HYDIN: variants seen among roughly 807,000 people sequenced by gnomAD.
The protein encoded by HYDIN is axonemal central pair apparatus protein HYDIN.
A neutral mutation model predicts 403.9 loss-of-function variants in HYDIN; 132 were observed. That is an observed-to-expected ratio of 0.33 (90% CI 0.28 to 0.38). HYDIN has a LOEUF of 0.38. HYDIN is among the 10% of genes least tolerant of loss of function. The probability of loss-of-function intolerance (pLI) is 1.00; values close to 1 mark genes in which losing one functional copy is unlikely to be tolerated. For missense variants in HYDIN, 2,827 were observed against 5,009.5 expected, an observed-to-expected ratio of 0.56 and a Z score of 13.15; for synonymous variants, 1,202 against 1,891.7, an observed-to-expected ratio of 0.64 and a Z score of 9.46.
At chr16:71,226,409 T>G (rs1483571515) in intron 1 of HYDIN, among the ~76,000 whole-genome samples, 1 of 152,104 alleles carries the variant, frequency 6.6e-6, no homozygotes, top group Non-Finnish European at 1.5e-5. Context: ...AACTCTTGCC[T>G]GACGTCATAC....
chr16:70,962,508 C>T (rs1028063629), intron 37 of HYDIN, among the ~76,000 whole-genome samples: 6 of 152,170 alleles, frequency 3.9e-5, no homozygotes, highest in Admixed American at 6.5e-5. Context: ...AGAGCTGCAA[C>T]CTCTCAGATT....
intron 1 of HYDIN, among the ~76,000 whole-genome samples, chr16:71,199,819 T>G (rs1315702528): frequency 6.6e-6 from 1 of 152,142 alleles, no homozygotes; most frequent in Non-Finnish European, 1.5e-5. Context: ...AATGGCAAAT[T>G]GTATGAAGCA....
intron 1 of HYDIN, among the ~76,000 whole-genome samples, chr16:71,227,155 G>T (rs956635363): frequency 6.6e-6 from 1 of 151,736 alleles, no homozygotes; most frequent in Non-Finnish European, 1.5e-5. Context: ...GTATGTGTGT[G>T]TGTGTGTGTA....
intron 66 of HYDIN, among the ~76,000 whole-genome samples, chr16:70,867,028 C>CAAA (rs34578135): frequency 1.1e-5 from 1 of 92,940 alleles, no homozygotes; most frequent in Admixed American, 1.2e-4. Flanking sequence ...CTGTCCCCCT[C>CAAA]AAAAAAAAAA....
chr16:71,203,419 G>C (rs2088124665), intron 1 of HYDIN, among the ~76,000 whole-genome samples: 1 of 152,050 alleles, frequency 6.6e-6, no homozygotes, highest in African/African-American at 2.4e-5. Context: ...TTTATTCCTG[G>C]AGTTTATTAG....
chr16:71,218,099 A>G (rs2088985415), intron 1 of HYDIN, among the ~76,000 whole-genome samples: 2 of 152,228 alleles, frequency 1.3e-5, no homozygotes, highest in East Asian at 1.9e-4. Context: ...TAAGAAAAAA[A>G]AAGACCAATT....
At chr16:70,990,503 A>C (rs1253726829) in intron 25 of HYDIN, among the ~76,000 whole-genome samples, 1 of 148,742 alleles carries the variant, frequency 6.7e-6, no homozygotes, top group Non-Finnish European at 1.5e-5. Flanking sequence ...GGTAGCACAC[A>C]GTGTACTTTG....
rs1293436490 is a variant in HYDIN, at chr16:71,098,199, C to CTTTT, written c.1328-4265_1328-4264insAAAA. On this transcript the variant is annotated intron_variant, in intron 10 of 85. Transcript: ENST00000393567. ...TACTCTAAACTATAGATAAAACTTTCTTTCTTTTTTTTTTTTTTTTGAGAT... is the reference window on the plus strand; with the variant it reads ...TACTCTAAACTATAGATAAAACTTTCTTTTTTTCTTTTTTTTTTTTTTTTGAGAT... Among the ~76,000 whole-genome samples, 23 of 133,056 alleles carry CTTTT rather than the reference C, an allele frequency of 1.7e-4. 1 individual carries two copies. In the East Asian group the frequency reaches 2.5e-3, roughly 15 times the overall value. 87.3% of individuals were successfully genotyped at this position (133,056 alleles called of 152,430 possible).
intron 46 of HYDIN, 26 bp downstream of exon 46, chr16:70,920,565 T>A (rs778151688): frequency 6.4e-7 from 1 of 1,564,950 alleles, no homozygotes; most frequent in East Asian, 2.3e-5. Context: ...ACTTGAGACT[T>A]CCCCACCCTG....
At position 70,916,010 on chromosome 16, in the gene HYDIN, T is replaced by C. The variant is rs554528699; in HGVS notation, c.8004+2201A>G. 5.3e-5 allele frequency among the ~76,000 whole-genome samples: 8 copies of C among 152,328 alleles called. No individual in the cohort carries two copies. The East Asian group carries it at 1.5e-3, about 29-fold the overall frequency. On this transcript the variant is annotated intron_variant, in intron 47 of 85. Transcript: ENST00000393567. ...CCCACCATGCCCCCACCAACAGCAT[T>C]GAGTCTGTTTCCAGGCAGTGGGCAA...
chr16:71,197,112 C>T (rs1263013108), intron 1 of HYDIN, among the ~76,000 whole-genome samples: 2 of 152,126 alleles, frequency 1.3e-5, no homozygotes, highest in African/African-American at 4.8e-5. Flanking sequence ...TTTCCAAAAA[C>T]ATATTGTGGG....
intron 1 of HYDIN, among the ~76,000 whole-genome samples, chr16:71,229,527 G>T (rs968655310): frequency 1.3e-5 from 2 of 152,184 alleles, no homozygotes; most frequent in Non-Finnish European, 2.9e-5. Context: ...TCCATCAGCT[G>T]ATGGTACATC....
At chr16:71,168,953 A>G (rs554910544) in intron 5 of HYDIN, among the ~76,000 whole-genome samples, 1 of 152,236 alleles carries the variant, frequency 6.6e-6, no homozygotes, top group Non-Finnish European at 1.5e-5. Context: ...ATGGCAGTTC[A>G]TCAAAAAATT....
intron 12 of HYDIN, chr16:71,080,996 T>TC: frequency 6.6e-6 from 1 of 151,990 alleles, no homozygotes; most frequent in African/African-American, 2.4e-5. Flanking sequence ...GGAAATGGGT[T>TC]CCCCTCTAGA....
At chr16:71,100,256 G>C (rs1036320172) in intron 10 of HYDIN, among the ~76,000 whole-genome samples, 1 of 152,216 alleles carries the variant, frequency 6.6e-6, no homozygotes, top group African/African-American at 2.4e-5. Context: ...TGAATAAATA[G>C]AGAACTAGAC....
At chr16:70,943,732 G>A in intron 42 of HYDIN, 80 bp downstream of exon 42, 10 of 1,530,796 alleles carry the variant, frequency 6.5e-6, no homozygotes, top group Non-Finnish European at 7.0e-6. Context: ...GTGGCTGATG[G>A]CCCAGAACCT....
rs1157388018 is a variant in HYDIN at position 71,186,737 on chromosome 16, C to T, written c.135+24G>A. The stretch of plus-strand genomic sequence containing the variant: ...TAAGGAGATTGCATTAAGTATTTTA[C>T]ATATTAATTCCCGGATACATTACCA... On this transcript the variant is annotated intron_variant, in intron 2 of 85. Coordinates refer to ENST00000393567, the MANE Select transcript of HYDIN (RefSeq NM_001270974.2). 4.4e-6 allele frequency: 7 copies of T among 1,592,562 alleles called. No homozygotes were observed. In the East Asian group the frequency reaches 8.9e-5, roughly 20 times the overall value.
In HYDIN at chr16:71,006,662, G is replaced by C. The variant is rs1597521961; in HGVS notation, c.3644+11467C>G. Among the ~76,000 whole-genome samples, 3 of 151,578 alleles carry C rather than the reference G, an allele frequency of 2.0e-5. No individual in the cohort carries two copies. In the South Asian group the frequency reaches 6.3e-4, roughly 32 times the overall value. ...CTAGCAGCTCTCACATGTTGATTCA[G>C]GGACTCAGGATAAGGCTGGGAGCCA... On this transcript the variant is annotated intron_variant, in intron 23 of 85. Coordinates refer to ENST00000393567, the MANE Select transcript of HYDIN (RefSeq NM_001270974.2).
At position 71,203,949 on chromosome 16, in the gene HYDIN, C is replaced by T. The variant is rs141801455; in HGVS notation, c.-23-17031G>A. 30 of 362,324 alleles carry T rather than the reference C, an allele frequency of 8.3e-5. No homozygotes were observed. The Middle Eastern group carries it at 2.9e-3, about 35-fold the overall frequency. The allele number at this position is 362,324 out of a possible 1,614,324, so 22.4% of individuals were successfully genotyped here. ...GCATGGTGGTGCACACCTTTAGTCC[C>T]GGCTACTTGGGAGACTGAAGTGGGA... On this transcript the variant is annotated intron_variant, in intron 1 of 85. Coordinates refer to ENST00000393567, the MANE Select transcript of HYDIN (RefSeq NM_001270974.2).
Sources: gnomAD v4.1 joint callset for allele counts (sites outside exome capture counted in the v4.1 genomes callset) on GRCh38, gnomAD v4.1.1 for gene constraint, MANE v1.5 for transcripts, NCBI Gene and HGNC (gene_info 2026-07-23, HGNC 2026-07-21) for gene names.